The following TRADD variants were observed in gnomAD, a reference collection of about 807,000 sequenced individuals.
TRADD encodes TNFRSF1A associated via death domain, also known as tumor necrosis factor receptor type 1-associated DEATH domain protein.
Under a neutral mutation model 31.5 loss-of-function variants are expected in TRADD, and 14 were observed. The observed-to-expected ratio is 0.44, with a 90% CI of 0.29 to 0.69. The LOEUF is 0.69. TRADD is among the 30% of genes least tolerant of loss of function. The pLI is 0.11. For missense variants in TRADD, 388 were observed against 435.7 expected, an observed-to-expected ratio of 0.89 and a Z score of 0.97; for synonymous variants, 220 against 215.8, an observed-to-expected ratio of 1.02 and a Z score of -0.17.
chr16:67,154,672 C>T lies in TRADD; in HGVS notation c.916G>A (p.Asp306Asn). ...SLAEDLLGLT[D>N]PNGGLA The stretch of plus-strand genomic sequence containing the variant: ...GTCTAGGCCAGGCCGCCATTGGGAT[C>T]GGTCAGGCCCAGCAAGTCCTCTGCC... The change falls in exon 5 of 5, where the codon GAT becomes AAT. Residue 306 changes from aspartate (D) to asparagine (N), a missense_variant. By Grantham distance (23) the Asp-to-Asn change is conservative. Coordinates refer to ENST00000345057, the MANE Select transcript of TRADD (RefSeq NM_003789.4). This position sits in a 1 kb window ranked among gnomAD's most constrained non-coding sequence, Gnocchi z 5.2. The T allele has an allele frequency of 6.2e-7, 1 of 1,612,810 alleles. No homozygotes were observed. The highest frequency in any genetic ancestry group is 8.5e-7 in the Non-Finnish European group (1 of 1,179,910).
Position 67,156,525 on chromosome 16 carries a change from G to A in TRADD, c.136C>T (p.Gln46Ter), listed in dbSNP as rs1428125302. The A allele has an allele frequency of 6.2e-7, 1 of 1,612,938 alleles. No individual in the cohort carries two copies. The highest frequency in any genetic ancestry group is 8.5e-7 in the Non-Finnish European group (1 of 1,180,028). The change falls in exon 2 of 5, where the codon CAG becomes TAG. Residue 46 changes from glutamine (Q) to a stop codon, truncating the protein, a stop_gained. Coordinates refer to ENST00000345057, the MANE Select transcript of TRADD (RefSeq NM_003789.4). LOFTEE classifies it high-confidence loss of function. The surrounding 1 kb of genome is among the most constrained non-coding windows in gnomAD (Gnocchi z 4.6). ...QQKVAVYRAL[Q>*]AALAESGGSP... The stretch of plus-strand genomic sequence containing the variant: ...ATCCACGCACCTGCCAAGGCAGCCT[G>A]CAGAGCCCTGTACACTGCCACCTTC...
chr16:67,158,738 G>A (rs541806839), intron 1 of TRADD, among the ~76,000 whole-genome samples: 4 of 152,352 alleles, frequency 2.6e-5, no homozygotes, highest in Admixed American at 2.6e-4. Context: ...CTCTGCAGGT[G>A]ACAAGTGGGT....
In TRADD at chr16:67,155,512, C is replaced by T; in HGVS notation, c.294G>A (p.Ala98=). The T allele has an allele frequency of 2.0e-6, 3 of 1,531,484 alleles. No individual in the cohort carries two copies. The highest frequency in any genetic ancestry group is 2.5e-5 in the East Asian group (1 of 40,088). The allele number at this position is 1,531,484 out of a possible 1,614,324, so 94.9% of individuals were successfully genotyped here. A position where few individuals can be genotyped will look rare whatever the true frequency, so the allele number is the denominator to read the frequency against. The change falls in exon 3 of 5, where the codon GCG becomes GCA. Residue 98 remains alanine, a synonymous_variant. Transcript: ENST00000345057. ...RAYREGALRA[A]LQRSLAAALA... is the part of the protein sequence containing the mutation. Reference sequence around the variant, plus strand: ...GCGCGGCCGCCAGGCTCCTCTGCAGCGCGGCGCGCAGCGCCCCCTCGCGGT... The same window carrying T: ...GCGCGGCCGCCAGGCTCCTCTGCAGTGCGGCGCGCAGCGCCCCCTCGCGGT...
Position 67,154,998 on chromosome 16 carries a change from C to A in TRADD, c.629-39G>T, listed in dbSNP as rs1252655603. 1 of 1,587,876 alleles carries A rather than the reference C, an allele frequency of 6.3e-7. No homozygotes were observed. Among genetic ancestry groups the A allele is most frequent in the Non-Finnish European group, 8.6e-7 (1 of 1,168,712 alleles). On this transcript the variant is annotated intron_variant, in intron 4 of 4. Coordinates refer to ENST00000345057, the MANE Select transcript of TRADD (RefSeq NM_003789.4). The surrounding 1 kb of genome is among the most constrained non-coding windows in gnomAD (Gnocchi z 5.2). ...GGGGAAACGGGGTGAGGGCGGGGAC[C>A]CCCAGCGCCGGTCCCACCCATCCCC...
At chr16:67,157,372 A>C (rs1321254301) in intron 1 of TRADD, among the ~76,000 whole-genome samples, 1 of 152,166 alleles carries the variant, frequency 6.6e-6, no homozygotes, top group Admixed American at 6.5e-5. Flanking sequence ...TATAGGACTT[A>C]AGTTGGACCC....
In TRADD at chr16:67,156,050, C is replaced by G; in HGVS notation, c.152-396G>C. The G allele has an allele frequency of 7.4e-7, 1 of 1,359,552 alleles. No homozygotes were observed. Among genetic ancestry groups the G allele is most frequent in the Non-Finnish European group, 9.7e-7 (1 of 1,035,734 alleles). The allele number at this position is 1,359,552 out of a possible 1,614,324, so 84.2% of individuals were successfully genotyped here. A position where few individuals can be genotyped will look rare whatever the true frequency, so the allele number is the denominator to read the frequency against. On this transcript the variant is annotated intron_variant, in intron 2 of 4. Coordinates refer to ENST00000345057, the MANE Select transcript of TRADD (RefSeq NM_003789.4). The surrounding 1 kb of genome is among the most constrained non-coding windows in gnomAD (Gnocchi z 4.6). ...TCTTCGGCCTCCACCAAGCGCGACT[C>G]CCACTGCTCGGGAAGAAGAGGGGCT...
chr16:67,154,793 G>A lies in TRADD; in HGVS notation c.795C>T (p.Ala265=), dbSNP rs757323677. Reference sequence around the variant, plus strand: ...GCACGAAGCGCCGCAGCAGCTGGAAGGCCTGCTCGTACAGTCCCTCGCGCT... The same window carrying A: ...GCACGAAGCGCCGCAGCAGCTGGAAAGCCTGCTCGTACAGTCCCTCGCGCT... ...EYEREGLYEQ[A]FQLLRRFVQA... The change falls in exon 5 of 5, where the codon GCC becomes GCT. Residue 265 remains alanine (A), a synonymous_variant. Transcript: ENST00000345057. This position sits in a 1 kb window ranked among gnomAD's most constrained non-coding sequence, Gnocchi z 5.2. The A allele has an allele frequency of 5.0e-6, 8 of 1,599,146 alleles. No homozygotes were observed. Among genetic ancestry groups the A allele is most frequent in the East Asian group, 2.3e-5 (1 of 43,910 alleles).
In TRADD at chr16:67,159,467, G is replaced by A. The variant is rs1253027002; in HGVS notation, c.-9+371C>T. Reference sequence around the variant, plus strand: ...CTACTCAGCTACGCAGCTCCCGAGCGCTTGAGGGGAGCTTCCCAGGCTCCC... The same window carrying A: ...CTACTCAGCTACGCAGCTCCCGAGCACTTGAGGGGAGCTTCCCAGGCTCCC... On this transcript the variant is annotated intron_variant, in intron 1 of 4. Transcript: ENST00000345057. This position sits in a 1 kb window ranked among gnomAD's most constrained non-coding sequence, Gnocchi z 6.8. Among the ~76,000 whole-genome samples, 2 of 152,226 alleles carry A rather than the reference G, an allele frequency of 1.3e-5. No individual in the cohort carries two copies.
chr16:67,157,897 T>TC (rs1192162974), intron 1 of TRADD, among the ~76,000 whole-genome samples: 2 of 152,268 alleles, frequency 1.3e-5, no homozygotes, highest in East Asian at 3.9e-4. Flanking sequence ...CTCCTCTTTC[T>TC]CCCCACCTCA....
chr16:67,156,600 A>T lies in TRADD; in HGVS notation c.61T>A (p.Ser21Thr). Reference sequence around the variant, plus strand: ...GACAGGACCACCTTGTCCAGCGAGGACTCCACAAACAGGTATGCGCTGCCC... The same window carrying T: ...GACAGGACCACCTTGTCCAGCGAGGTCTCCACAAACAGGTATGCGCTGCCC... ...WVGSAYLFVE[S>T]SLDKVVLSDA... The change falls in exon 2 of 5, where the codon TCC (serine) becomes ACC (threonine). Residue 21 changes from serine to threonine, a missense_variant. Ser to Thr is a moderately conservative substitution (Grantham distance 58). Transcript: ENST00000345057. The surrounding 1 kb of genome is among the most constrained non-coding windows in gnomAD (Gnocchi z 4.6). 6.2e-7 allele frequency: 1 copy of T among 1,613,754 alleles called. No homozygotes were observed. The highest frequency in any genetic ancestry group is 1.1e-5 in the South Asian group (1 of 91,058).
At position 67,158,162 on chromosome 16, in the gene TRADD, T is replaced by G. The variant is rs140749391; in HGVS notation, c.-8-1494A>C. Among the ~76,000 whole-genome samples, 875 of 152,252 alleles carry G rather than the reference T, an allele frequency of 5.7e-3. 3 individuals are homozygous for G. Among genetic ancestry groups the G allele is most frequent in the African/African-American group, 0.02 (816 of 41,520 alleles). On this transcript the variant is annotated intron_variant, in intron 1 of 4. Coordinates refer to ENST00000345057, the MANE Select transcript of TRADD (RefSeq NM_003789.4). ...AGTAAGGCACTACTCTCGACCTTTG[T>G]TTTTTCAATTGTCTTGTTTTTGAGA...
Position 67,159,168 on chromosome 16 carries a change from G to A in TRADD, c.-9+670C>T, listed in dbSNP as rs983421713. On this transcript the variant is annotated intron_variant, in intron 1 of 4. Coordinates refer to ENST00000345057, the MANE Select transcript of TRADD (RefSeq NM_003789.4). The surrounding 1 kb of genome is among the most constrained non-coding windows in gnomAD (Gnocchi z 6.8). ...CGGAAGCCCCTCCTTGGGAAGCCCC[G>A]CGCCCCACCCACCAGGAGTCGTCCC... is the stretch of plus-strand genomic sequence containing the variant. 2.0e-5 allele frequency among the ~76,000 whole-genome samples: 3 copies of A among 152,190 alleles called. No homozygotes were observed. The highest frequency in any genetic ancestry group is 7.2e-5 in the African/African-American group (3 of 41,452).
rs1334036894 is a variant in TRADD, at chr16:67,154,751, G to A, written c.837C>T (p.Arg279=). Reference sequence around the variant, plus strand: ...CCTCCACCAGGCGCTGCAGCGTGGCGCGGCGGCCCTCGGCCTGCACGAAGC... The same window carrying A: ...CCTCCACCAGGCGCTGCAGCGTGGCACGGCGGCCCTCGGCCTGCACGAAGC... ...LRRFVQAEGR[R]ATLQRLVEAL... Residue 279 remains arginine, a synonymous_variant, in exon 5 of 5, where the codon CGC becomes CGT. Transcript: ENST00000345057. The surrounding 1 kb of genome is among the most constrained non-coding windows in gnomAD (Gnocchi z 5.2). The A allele has an allele frequency of 1.2e-6, 2 of 1,609,100 alleles. No homozygotes were observed. Among genetic ancestry groups the A allele is most frequent in the South Asian group, 1.1e-5 (1 of 90,430 alleles).
In TRADD at chr16:67,159,430, CG is replaced by C. The variant is rs1446750258; in HGVS notation, c.-9+407del. On this transcript the variant is annotated intron_variant, in intron 1 of 4. Coordinates refer to ENST00000345057, the MANE Select transcript of TRADD (RefSeq NM_003789.4). The surrounding 1 kb of genome is among the most constrained non-coding windows in gnomAD (Gnocchi z 6.8). The stretch of plus-strand genomic sequence containing the variant: ...AAGCCTGTGACTCCTTGCGACCCGC[CG>C]GGCACACCCCCTACTCAGCTACGCA... Among the ~76,000 whole-genome samples the C allele has an allele frequency of 1.3e-5, 2 of 152,224 alleles. No individual in the cohort carries two copies. Among genetic ancestry groups the C allele is most frequent in the Non-Finnish European group, 2.9e-5 (2 of 68,048 alleles).
At position 67,155,472 on chromosome 16, in the gene TRADD, C is replaced by A; in HGVS notation, c.334G>T (p.Val112Leu). The A allele has an allele frequency of 6.3e-7, 1 of 1,587,328 alleles. No individual in the cohort carries two copies. The highest frequency in any genetic ancestry group is 1.1e-5 in the South Asian group (1 of 89,604). Residue 112 changes from valine to leucine, a missense_variant, in exon 3 of 5, where the codon GTG (valine) becomes TTG (leucine). Transcript: ENST00000345057. ...GCGCGCAGCTCCAGTTGCAGCGGCA[C>A]CGAGTGCTGGGCGAGCGCGGCCGCC... is the stretch of plus-strand genomic sequence containing the variant. ...SLAAALAQHS[V>L]PLQLELRAGA...
At position 67,156,550 on chromosome 16, in the gene TRADD, C is replaced by T. The variant is rs534441480; in HGVS notation, c.111G>A (p.Gln37=). 1.2e-5 allele frequency: 20 copies of T among 1,613,808 alleles called. No individual in the cohort carries two copies. The Admixed American group carries it at 3.0e-4, about 24-fold the overall frequency. The change falls in exon 2 of 5, where the codon CAG becomes CAA. Residue 37 remains glutamine, a synonymous_variant. Transcript: ENST00000345057. The surrounding 1 kb of genome is among the most constrained non-coding windows in gnomAD (Gnocchi z 4.6). ...VLSDAYAHPQ[Q]KVAVYRALQA... ...GCAGAGCCCTGTACACTGCCACCTTCTGCTGGGGGTGCGCGTAGGCATCCG... is the reference window on the plus strand; with the variant it reads ...GCAGAGCCCTGTACACTGCCACCTTTTGCTGGGGGTGCGCGTAGGCATCCG...
chr16:67,157,812 A>G (rs8060496), intron 1 of TRADD, among the ~76,000 whole-genome samples: 2,137 of 152,272 alleles, frequency 0.014, 20 homozygotes, highest in African/African-American at 0.031. Flanking sequence ...ATTCCCAGCC[A>G]AGGAACCACT....
Position 67,154,699 on chromosome 16 carries a change from G to C in TRADD, c.889C>G (p.Leu297Val), listed in dbSNP as rs1465053838. 1 of 1,612,898 alleles carries C rather than the reference G, an allele frequency of 6.2e-7. No homozygotes were observed. Among genetic ancestry groups the C allele is most frequent in the Non-Finnish European group, 8.5e-7 (1 of 1,179,910 alleles). The change falls in exon 5 of 5, where the codon CTG (leucine) becomes GTG (valine). Residue 297 changes from leucine to valine, a missense_variant. By Grantham distance (32) the Leu-to-Val change is conservative. Transcript: ENST00000345057. This position sits in a 1 kb window ranked among gnomAD's most constrained non-coding sequence, Gnocchi z 5.2. ...EALEENELTS[L>V]AEDLLGLTDP... Reference sequence around the variant, plus strand: ...GTCAGGCCCAGCAAGTCCTCTGCCAGGCTGGTGAGCTCGTTCTCCTCGAGT... The same window carrying C: ...GTCAGGCCCAGCAAGTCCTCTGCCACGCTGGTGAGCTCGTTCTCCTCGAGT...
chr16:67,157,566 TACTA>T (rs2030742978), intron 1 of TRADD, among the ~76,000 whole-genome samples: 1 of 152,166 alleles, frequency 6.6e-6, no homozygotes, highest in African/African-American at 2.4e-5. Context: ...TTCCTAAGCA[TACTA>T]GGCCCCTGGA....
Sources: gnomAD v4.1 joint callset for allele counts (sites outside exome capture counted in the v4.1 genomes callset) on GRCh38, gnomAD v4.1.1 for gene constraint, Gnocchi (gnomAD v3.1) non-coding constraint, MANE v1.5 for transcripts, NCBI Gene and HGNC (gene_info 2026-07-23, HGNC 2026-07-21) for gene names.